Variants in ABCC12 observed in about 807,000 individuals in gnomAD.
ABCC12 encodes ATP-binding cassette sub-family C member 12.
In ABCC12, 142 loss-of-function variants were observed where a neutral mutation model predicts 151.1. The observed-to-expected ratio is 0.94, with a 90% CI of 0.82 to 1.08. The LOEUF is 1.08. ABCC12 is among the 50% of genes least tolerant of loss of function. The pLI, the probability that ABCC12 is intolerant of heterozygous loss-of-function variation, is 0.00. For missense variants in ABCC12, 1,638 were observed against 1,691.1 expected, an observed-to-expected ratio of 0.97 and a Z score of 0.55; for synonymous variants, 645 against 646.4, an observed-to-expected ratio of 1.00 and a Z score of 0.03.
At chr16:48,132,773 G>A (rs528267303) in intron 9 of ABCC12, among the ~76,000 whole-genome samples, 1 of 152,270 alleles carries the variant, frequency 6.6e-6, no homozygotes, top group Non-Finnish European at 1.5e-5. Context: ...GCTGACACTT[G>A]TATAGGACCT....
chr16:48,124,343 C>A, intron 11 of ABCC12, 59 bp from the exon 12 acceptor site: 3 of 1,545,660 alleles, frequency 1.9e-6, no homozygotes, highest in Non-Finnish European at 2.7e-6. Flanking sequence ...GAGGGTCTGG[C>A]CCAAAGGTGC....
In ABCC12 at chr16:48,128,889, G is replaced by T. The variant is rs143947928; in HGVS notation, c.1237-152C>A. The T allele has an allele frequency of 1.2e-3, 1,074 of 905,618 alleles. 11 individuals carry two copies. In the African/African-American group the frequency reaches 0.016, roughly 13 times the overall value. The allele number at this position is 905,618 out of a possible 1,614,324, so 56.1% of individuals were successfully genotyped here. A position where few individuals can be genotyped will look rare whatever the true frequency, so the allele number is the denominator to read the frequency against. Reference sequence around the variant, plus strand: ...TTCTGAAATTATTCCCCCAGGAGAAGCTGCAGCAGAAATAGTCCACTAGCT... The same window carrying T: ...TTCTGAAATTATTCCCCCAGGAGAATCTGCAGCAGAAATAGTCCACTAGCT... On this transcript the variant is annotated intron_variant, in intron 10 of 30. Transcript: ENST00000311303.
chr16:48,108,453 A>G lies in ABCC12; in HGVS notation c.2358T>C (p.Ile786=), dbSNP rs1963573464. 6.2e-7 allele frequency: 1 copy of G among 1,614,020 alleles called. No individual in the cohort carries two copies. The highest frequency in any genetic ancestry group is 1.7e-5 in the Admixed American group (1 of 60,016). ...TVTWKTYHTY[I]KASGGYLLSL... is the part of the protein sequence containing the mutation. ...TTTATACTGAACCTCCAGAAGCCTTAATGTACGTGTGATATGTTTTCCAGG... is the reference window on the plus strand; with the variant it reads ...TTTATACTGAACCTCCAGAAGCCTTGATGTACGTGTGATATGTTTTCCAGG... The change falls in exon 19 of 31, where the codon ATT becomes ATC. Residue 786 remains isoleucine (I), a synonymous_variant. Transcript: ENST00000311303.
rs933764009 is a variant in ABCC12 at position 48,083,217 on chromosome 16, G to A, written c.*498C>T. On this transcript the variant is annotated 3_prime_UTR_variant, in exon 31 of 31. Transcript: ENST00000311303. Reference sequence around the variant, plus strand: ...CCAAACACTGTATTCAGTCTTTCACGCTACAAATCTGTGTCATTACCACTT... The same window carrying A: ...CCAAACACTGTATTCAGTCTTTCACACTACAAATCTGTGTCATTACCACTT... The A allele has an allele frequency of 6.5e-6, 1 of 153,668 alleles. No homozygotes were observed. The highest frequency in any genetic ancestry group is 1.4e-5 in the Non-Finnish European group (1 of 69,266). 9.5% of individuals were successfully genotyped at this position (153,668 alleles called of 1,614,324 possible).
chr16:48,115,469 G>A lies in ABCC12; in HGVS notation c.1935C>T (p.Cys645=). 6.2e-7 allele frequency: 1 copy of A among 1,614,206 alleles called. No individual in the cohort carries two copies. The highest frequency in any genetic ancestry group is 8.5e-7 in the Non-Finnish European group (1 of 1,180,028). The change falls in exon 15 of 31, where the codon TGC becomes TGT. Residue 645 remains cysteine (C), a synonymous_variant. Coordinates refer to ENST00000311303, the MANE Select transcript of ABCC12 (RefSeq NM_001393797.1). ...AHVGKHVFEE[C]IKKTLRGKTV... Reference sequence around the variant, plus strand: ...TCTTTCCCCTGAGCGTCTTCTTAATGCACTCCTCAAAGACGTGCTTCCCCA... The same window carrying A: ...TCTTTCCCCTGAGCGTCTTCTTAATACACTCCTCAAAGACGTGCTTCCCCA...
Position 48,141,337 on chromosome 16 carries a change from C to A in ABCC12, c.292G>T (p.Asp98Tyr). The A allele has an allele frequency of 6.2e-7, 1 of 1,614,108 alleles. No homozygotes were observed. Among genetic ancestry groups the A allele is most frequent in the South Asian group, 1.1e-5 (1 of 91,088 alleles). The change falls in exon 5 of 31, where the codon GAT becomes TAT. Residue 98 changes from aspartate (D) to tyrosine (Y), a missense_variant. By Grantham distance (160) the Asp-to-Tyr change is radical. Transcript: ENST00000311303. Reference sequence around the variant, plus strand: ...GGACCCACCCTTGCTACCTCTTCATCCCAAAGGACTCGAAATCTGTGATGA... The same window carrying A: ...GGACCCACCCTTGCTACCTCTTCATACCAAAGGACTCGAAATCTGTGATGA... Reference protein sequence around the residue: ...TNAKRFRVLWDEEVARVGPEK... With the variant: ...TNAKRFRVLWYEEVARVGPEK...
In ABCC12 at chr16:48,082,499, G is replaced by A. The variant is rs763185339; in HGVS notation, c.*1216C>T. 2.2e-4 allele frequency among the ~76,000 whole-genome samples: 34 copies of A among 152,198 alleles called. 1 individual carries two copies. The highest frequency in any genetic ancestry group is 5.2e-4 in the Admixed American group (8 of 15,276). On this transcript the variant is annotated 3_prime_UTR_variant, in exon 31 of 31. Coordinates refer to ENST00000311303, the MANE Select transcript of ABCC12 (RefSeq NM_001393797.1). ...CCAGGCTCCACAGCTGTGTTTCAGC[G>A]AGTTCATTAGATGCTGTCATTCATG...
chr16:48,128,842 C>A (rs1964328639), intron 10 of ABCC12, 105 bp from the exon 11 acceptor site: 4 of 1,250,254 alleles, frequency 3.2e-6, no homozygotes, highest in Non-Finnish European at 4.4e-6. Context: ...GCTATTCTAA[C>A]CCACCACATC....
chr16:48,146,532 G>C, intron 2 of ABCC12, 58 bp from the exon 3 acceptor site: 1 of 874,262 alleles, frequency 1.1e-6, no homozygotes. Context: ...TTGGGATCAG[G>C]CAGCCTCTAC....
At chr16:48,126,358 C>T (rs954843862) in intron 11 of ABCC12, among the ~76,000 whole-genome samples, 10 of 152,150 alleles carry the variant, frequency 6.6e-5, no homozygotes, top group African/African-American at 2.2e-4. Flanking sequence ...TCCCAACAAA[C>T]ACTGCTGGCC....
chr16:48,084,165 A>G (rs1962483290), intron 29 of ABCC12, 92 bp from the exon 30 acceptor site: 1 of 1,318,318 alleles, frequency 7.6e-7, no homozygotes, highest in Admixed American at 2.6e-5. Flanking sequence ...GAAGAAGAAG[A>G]AAAATAAGAC....
At chr16:48,114,632 A>G (rs538991101) in intron 15 of ABCC12, among the ~76,000 whole-genome samples, 4 of 152,266 alleles carry the variant, frequency 2.6e-5, no homozygotes, top group South Asian at 2.1e-4. Flanking sequence ...ACGTGCACAC[A>G]CATGCACTGC....
Position 48,105,252 on chromosome 16 carries a change from C to T in ABCC12, c.2560G>A (p.Val854Met). 6.8e-6 allele frequency: 11 copies of T among 1,614,116 alleles called. No individual in the cohort carries two copies. The highest frequency in any genetic ancestry group is 9.3e-6 in the Non-Finnish European group (11 of 1,180,030). The part of the protein sequence containing the change: ...ADIGQHVYQW[V>M]YTASMVFMLV... Reference sequence around the variant, plus strand: ...ATGAACACCATGCTTGCAGTGTACACCCACTGGTACACATGCTGACCGATG... The same window carrying T: ...ATGAACACCATGCTTGCAGTGTACATCCACTGGTACACATGCTGACCGATG... Residue 854 changes from valine to methionine, a missense_variant, in exon 21 of 31, where the codon GTG becomes ATG. By Grantham distance (21) the Val-to-Met change is conservative (BLOSUM62 1). Coordinates refer to ENST00000311303, the MANE Select transcript of ABCC12 (RefSeq NM_001393797.1).
chr16:48,154,591 A>G (rs1488511094), intron 1 of ABCC12, among the ~76,000 whole-genome samples: 4 of 152,156 alleles, frequency 2.6e-5, no homozygotes, highest in Non-Finnish European at 4.4e-5. Context: ...TGTCTTCCTT[A>G]TAGTGTTTCC....
intron 13 of ABCC12, among the ~76,000 whole-genome samples, chr16:48,120,312 T>A (rs577220175): frequency 6.6e-6 from 1 of 152,198 alleles, no homozygotes; most frequent in African/African-American, 2.4e-5. Context: ...CAGTGGGAAT[T>A]CCAAAAGGAT....
In ABCC12 at chr16:48,101,009, GC is replaced by G; in HGVS notation, c.2901-1del. On this transcript the variant is annotated splice_acceptor_variant, in intron 22 of 30. Transcript: ENST00000311303. LOFTEE classifies it high-confidence loss of function. ...GCTCCTGGACTCCTCTGTGGAAAAT[GC>G]TGGAAGAAAATTGAAAGGGGCCAGG... 1 of 1,613,928 alleles carries G rather than the reference GC, an allele frequency of 6.2e-7. No individual in the cohort carries two copies. The highest frequency in any genetic ancestry group is 1.1e-5 in the South Asian group (1 of 91,020).
In ABCC12 at chr16:48,136,761, G is replaced by A. The variant is rs116135602; in HGVS notation, c.979+1467C>T. On this transcript the variant is annotated intron_variant, in intron 8 of 30. Coordinates refer to ENST00000311303, the MANE Select transcript of ABCC12 (RefSeq NM_001393797.1). ...GTTACTGTAAACATCCAGCAGGAGCGCACTCCAGGCAAAGGAAACAGCAAT... is the reference window on the plus strand; with the variant it reads ...GTTACTGTAAACATCCAGCAGGAGCACACTCCAGGCAAAGGAAACAGCAAT... Among the ~76,000 whole-genome samples the A allele has an allele frequency of 5.2e-3, 786 of 152,200 alleles. 8 individuals carry two copies. The highest frequency in any genetic ancestry group is 0.018 in the African/African-American group (741 of 41,512).
rs111243256 is a variant in ABCC12 at position 48,140,782 on chromosome 16, A to G, written c.562T>C (p.Tyr188His). ...FFWALAWAIN[Y>H]RTAIRLKVAL... is the part of the protein sequence containing the mutation. ...ACCTTCAACCGGATGGCCGTGCGGTAGTTGATGGCCCAGGCAAGGGCCCAA... is the reference window on the plus strand; with the variant it reads ...ACCTTCAACCGGATGGCCGTGCGGTGGTTGATGGCCCAGGCAAGGGCCCAA... Residue 188 changes from tyrosine to histidine, a missense_variant, in exon 6 of 31, where the codon TAC becomes CAC. Coordinates refer to ENST00000311303, the MANE Select transcript of ABCC12 (RefSeq NM_001393797.1). 78 of 1,614,210 alleles carry G rather than the reference A, an allele frequency of 4.8e-5. No homozygotes were observed. The African/African-American group carries it at 9.2e-4, about 19-fold the overall frequency.
chr16:48,129,024 C>G (rs1318854991), intron 10 of ABCC12, among the ~76,000 whole-genome samples: 2 of 152,228 alleles, frequency 1.3e-5, no homozygotes, highest in South Asian at 2.1e-4. Context: ...GACAGTCGGT[C>G]TTACCAGTCT....
Sources: gnomAD v4.1 joint callset for allele counts (sites outside exome capture counted in the v4.1 genomes callset) on GRCh38, gnomAD v4.1.1 for gene constraint, MANE v1.5 for transcripts, NCBI Gene and HGNC (gene_info 2026-07-23, HGNC 2026-07-21) for gene names.